Variants in MYOM2 observed in about 807,000 individuals in gnomAD.
MYOM2 encodes the protein myomesin 2.
Under a neutral mutation model 187.6 loss-of-function variants are expected in MYOM2, and 254 were observed. The observed-to-expected ratio is 1.35, with a 90% CI of 1.22 to 1.50. The LOEUF (loss-of-function observed/expected upper bound fraction) is 1.50, where lower values mean the gene tolerates loss of function less well. Among genes scored for constraint, MYOM2 ranks in the 40% most tolerant of loss-of-function variants. MYOM2 has a pLI of 0.00. For missense variants in MYOM2, 2,796 were observed against 1,924.0 expected (o/e 1.45, Z -8.48); for synonymous variants, 981 against 753.8 (o/e 1.30, Z -4.94).
intron 36 of MYOM2, 56 bp from the exon 37 acceptor site, chr8:2,144,608 G>T (rs1011398995): frequency 1.3e-6 from 2 of 1,573,016 alleles, no homozygotes; most frequent in South Asian, 2.2e-5. Flanking sequence ...CCGAGGGGGT[G>T]ACATGACTTT....
chr8:2,095,323 G>A (rs917578074), intron 17 of MYOM2, among the ~76,000 whole-genome samples: 1 of 142,778 alleles, frequency 7.0e-6, no homozygotes, highest in Non-Finnish European at 1.5e-5. Context: ...GTAGAGTCTC[G>A]CTCTGTTGCT....
chr8:2,136,142 C>G (rs73169440), intron 32 of MYOM2, among the ~76,000 whole-genome samples: 119,291 of 152,162 alleles, frequency 0.78, 47,239 homozygotes, highest in African/African-American at 0.91. Flanking sequence ...TGCAAGAGAA[C>G]CTGGGGTCAG....
chr8:2,078,359 C>T (rs1365465947), intron 11 of MYOM2, among the ~76,000 whole-genome samples: 4 of 152,146 alleles, frequency 2.6e-5, no homozygotes, highest in African/African-American at 7.2e-5. Flanking sequence ...CAAGCCGCAG[C>T]TTAGGGGTGC....
At chr8:2,110,751 T>C (rs1797043302) in intron 25 of MYOM2, among the ~76,000 whole-genome samples, 1 of 152,208 alleles carries the variant, frequency 6.6e-6, no homozygotes, top group African/African-American at 2.4e-5. Flanking sequence ...CCCTACCATA[T>C]TTCTAAGCTG....
intron 28 of MYOM2, among the ~76,000 whole-genome samples, chr8:2,119,882 CG>C (rs1012451111): frequency 4.0e-5 from 6 of 151,170 alleles, no homozygotes; most frequent in South Asian, 2.1e-4. Context: ...AATGAGGGGG[CG>C]GGGGGGATGC....
chr8:2,118,289 A>G (rs1259017400), intron 28 of MYOM2, among the ~76,000 whole-genome samples: 1 of 152,240 alleles, frequency 6.6e-6, no homozygotes, highest in Non-Finnish European at 1.5e-5. Context: ...ATACGAGTTC[A>G]TCAGGAAAGG....
chr8:2,118,123 A>G (rs906537459), intron 28 of MYOM2, among the ~76,000 whole-genome samples, 171 bp downstream of exon 28: 3 of 152,086 alleles, frequency 2.0e-5, no homozygotes, highest in Non-Finnish European at 2.9e-5. Context: ...ACTTTTTAAT[A>G]CTTGGACTTC....
intron 25 of MYOM2, among the ~76,000 whole-genome samples, chr8:2,111,789 T>A (rs1238866192): frequency 6.6e-6 from 1 of 152,214 alleles, no homozygotes; most frequent in Non-Finnish European, 1.5e-5. Context: ...TCTGAGGTCA[T>A]GCCTTCTCAT....
chr8:2,138,628 C>A (rs1204368030), intron 32 of MYOM2, among the ~76,000 whole-genome samples: 4 of 152,226 alleles, frequency 2.6e-5, no homozygotes, highest in Non-Finnish European at 5.9e-5. Flanking sequence ...CACTGCCCTG[C>A]CTTCTAAGGC....
chr8:2,070,853 A>G (rs749894842), intron 8 of MYOM2, among the ~76,000 whole-genome samples: 7 of 152,242 alleles, frequency 4.6e-5, no homozygotes, highest in African/African-American at 1.7e-4. Flanking sequence ...GGTAGCTTCA[A>G]TTATTTTCCA....
chr8:2,063,111 C>T (rs182433215), intron 6 of MYOM2, among the ~76,000 whole-genome samples: 1 of 152,170 alleles, frequency 6.6e-6, no homozygotes, highest in Non-Finnish European at 1.5e-5. Context: ...TCTCAGTATT[C>T]TTGTTGGTCC....
intron 28 of MYOM2, among the ~76,000 whole-genome samples, chr8:2,121,407 C>G (rs1038460326): frequency 7.2e-5 from 11 of 152,120 alleles, no homozygotes; most frequent in Non-Finnish European, 1.5e-4. Flanking sequence ...TGGGATAGAA[C>G]CGTCTATAAA....
intron 1 of MYOM2, among the ~76,000 whole-genome samples, chr8:2,049,987 C>T (rs548446072): frequency 7.9e-5 from 12 of 152,292 alleles, no homozygotes; most frequent in East Asian, 7.8e-4. Flanking sequence ...CCTCCTGCTA[C>T]GCCTGTCTAC....
In MYOM2 at chr8:2,079,599, A is replaced by G. The variant is rs756133260; in HGVS notation, c.1502A>G (p.Gln501Arg). The G allele has an allele frequency of 6.2e-7, 1 of 1,614,150 alleles. No individual in the cohort carries two copies. ...GGAGAGAAGGAGATTGCCATTTATC[A>G]GGATGACCTTGAAGGTAAGTAGCAC... ...LEGEKEIAIY[Q>R]DDLEGDAQVP... The change falls in exon 13 of 37, where the codon CAG (glutamine) becomes CGG (arginine). Residue 501 changes from glutamine to arginine, a missense_variant. By Grantham distance (43) the Gln-to-Arg change is conservative. Transcript: ENST00000262113.
intron 11 of MYOM2, 127 bp downstream of exon 11, chr8:2,076,409 G>A (rs780168886): frequency 2.4e-6 from 3 of 1,234,486 alleles, no homozygotes; most frequent in Non-Finnish European, 3.3e-6. Flanking sequence ...TAGGTACATG[G>A]CTAATTGGTT....
rs77254873 is a variant in MYOM2, at chr8:2,130,892, C to T, written c.3800+1660C>T. On this transcript the variant is annotated intron_variant, in intron 32 of 36. Coordinates refer to ENST00000262113, the MANE Select transcript of MYOM2 (RefSeq NM_003970.4). The stretch of plus-strand genomic sequence containing the variant: ...AATCTATGTTTCTAGCTGAATCAAA[C>T]CTTCCCCTGGAAAAGGAGAATTAAT... 8.8e-3 allele frequency among the ~76,000 whole-genome samples: 1,336 copies of T among 152,334 alleles called. 20 individuals are homozygous for T. Among genetic ancestry groups the T allele is most frequent in the African/African-American group, 0.03 (1,230 of 41,562 alleles).
intron 10 of MYOM2, among the ~76,000 whole-genome samples, chr8:2,074,316 G>A (rs530636725): frequency 1.3e-5 from 2 of 152,288 alleles, no homozygotes; most frequent in East Asian, 3.9e-4. Context: ...CTCAGAGGCA[G>A]GAGAAATGTC....
At chr8:2,115,384 C>A (rs543593769) in intron 25 of MYOM2, among the ~76,000 whole-genome samples, 74 of 152,268 alleles carry the variant, frequency 4.9e-4, no homozygotes, top group Non-Finnish European at 9.1e-4. Context: ...TCATATGTAT[C>A]TGTGCATGTA....
intron 32 of MYOM2, among the ~76,000 whole-genome samples, chr8:2,133,200 C>T (rs931396920): frequency 6.6e-6 from 1 of 152,176 alleles, no homozygotes; most frequent in Non-Finnish European, 1.5e-5. Context: ...TCAGGCTGTC[C>T]CATCTTGTGG....
Sources: allele counts gnomAD v4.1 joint callset (sites outside exome capture counted in the v4.1 genomes callset), GRCh38; gene constraint gnomAD v4.1.1; transcripts MANE v1.5; gene names NCBI Gene and HGNC (gene_info 2026-07-23, HGNC 2026-07-21).